Variants in GALM observed in about 807,000 individuals in gnomAD.
GALM encodes aldose 1-epimerase.
In GALM, 43 loss-of-function variants were observed where a neutral mutation model predicts 37.4. The observed-to-expected ratio is 1.15, with a 90% confidence interval of 0.90 to 1.48. GALM has a LOEUF of 1.48. GALM is among the 40% of genes most tolerant of loss of function. GALM has a pLI of 0.00. For synonymous variants in GALM, 199 were observed against 170.6 expected, an observed-to-expected ratio of 1.17 and a Z score of -1.30; for missense variants, 456 against 419.1, an observed-to-expected ratio of 1.09 and a Z score of -0.77.
At position 38,717,715 on chromosome 2, in the gene GALM, T is replaced by G. The variant is rs187856213; in HGVS notation, c.635-11841T>G. On this transcript the variant is annotated intron_variant, in intron 4 of 6. Coordinates refer to ENST00000272252, the MANE Select transcript of GALM (RefSeq NM_138801.3). The stretch of plus-strand genomic sequence containing the variant: ...CATCCCTGGCCTTAGCTCCATTTTA[T>G]AAATGGGGAAATTGAATCTTACAGA... 7.9e-4 allele frequency among the ~76,000 whole-genome samples: 119 copies of G among 150,034 alleles called. 3 individuals carry two copies. In the East Asian group the frequency reaches 0.026, roughly 32 times the overall value.
chr2:38,667,266 T>C (rs985777055), intron 1 of GALM, among the ~76,000 whole-genome samples: 3 of 152,150 alleles, frequency 2.0e-5, no homozygotes, highest in African/African-American at 7.2e-5. Context: ...CAAATTCTGC[T>C]GGAGAGGAGG....
intron 1 of GALM, among the ~76,000 whole-genome samples, chr2:38,669,726 A>G (rs1290759994): frequency 6.6e-6 from 1 of 152,036 alleles, no homozygotes; most frequent in Non-Finnish European, 1.5e-5. Context: ...TACAAAAATT[A>G]GCTGGGCATG....
intron 3 of GALM, among the ~76,000 whole-genome samples, chr2:38,686,426 C>T (rs969646319): frequency 6.6e-6 from 1 of 151,752 alleles, no homozygotes; most frequent in South Asian, 2.1e-4. Flanking sequence ...CCACCATGCC[C>T]AGCTACTTTT....
chr2:38,714,893 T>C (rs1666239700), intron 4 of GALM, among the ~76,000 whole-genome samples: 1 of 152,228 alleles, frequency 6.6e-6, no homozygotes, highest in Non-Finnish European at 1.5e-5. Flanking sequence ...TAGTATAGTT[T>C]ACCTGTGATG....
At chr2:38,705,044 G>C (rs1666010030) in intron 4 of GALM, among the ~76,000 whole-genome samples, 1 of 152,198 alleles carries the variant, frequency 6.6e-6, no homozygotes, top group South Asian at 2.1e-4. Context: ...TCAAAATTTA[G>C]CACTTGGCCA....
At chr2:38,686,225 T>TTTCC (rs1665516344) in intron 3 of GALM, among the ~76,000 whole-genome samples, 51 of 11,074 alleles carry the variant, frequency 4.6e-3, no homozygotes, top group African/African-American at 0.026. Context: ...TGGAAATTTC[T>TTTCC]TTCTTTCTTT....
At chr2:38,698,895 G>C (rs913163912) in intron 4 of GALM, among the ~76,000 whole-genome samples, 1 of 152,146 alleles carries the variant, frequency 6.6e-6, no homozygotes, top group Admixed American at 6.5e-5. Context: ...ACAGGCATGA[G>C]CCACTGTGTC....
intron 1 of GALM, among the ~76,000 whole-genome samples, chr2:38,675,544 TG>T (rs1471228211): frequency 0.018 from 1,003 of 54,538 alleles, 52 homozygotes; most frequent in African/African-American, 0.071. Flanking sequence ...TTTTTTTTTT[TG>T]TGTGTGTGTG....
Position 38,713,608 on chromosome 2 carries a change from C to A in GALM, c.635-15948C>A, listed in dbSNP as rs181059073. On this transcript the variant is annotated intron_variant, in intron 4 of 6. Coordinates refer to ENST00000272252, the MANE Select transcript of GALM (RefSeq NM_138801.3). ...TTTAGGGCATGGTCTCAAGCTCTGT[C>A]TAGGTTGAAATCTTGTCAGGTGTGC... Among the ~76,000 whole-genome samples, 299 of 152,204 alleles carry A rather than the reference C, an allele frequency of 2.0e-3. 1 individual carries two copies. The highest frequency in any genetic ancestry group is 6.6e-3 in the African/African-American group (276 of 41,522).
chr2:38,701,648 G>T (rs1053520628), intron 4 of GALM, among the ~76,000 whole-genome samples: 1 of 152,158 alleles, frequency 6.6e-6, no homozygotes, highest in African/African-American at 2.4e-5. Context: ...GAGAGGCCCA[G>T]CAAGACTTTT....
At chr2:38,724,099 A>G (rs953149625) in intron 4 of GALM, among the ~76,000 whole-genome samples, 1 of 152,130 alleles carries the variant, frequency 6.6e-6, no homozygotes, top group Non-Finnish European at 1.5e-5. Flanking sequence ...TTGTATTTTT[A>G]GTAAAGACAG....
intron 3 of GALM, 32 bp downstream of exon 3, chr2:38,681,518 G>A (rs1558580215): frequency 3.3e-5 from 51 of 1,556,420 alleles, no homozygotes; most frequent in East Asian, 6.7e-5. Context: ...TTCCTGCTTC[G>A]TGCTTTGTGG....
At chr2:38,730,409 G>A (rs888867156) in intron 5 of GALM, among the ~76,000 whole-genome samples, 8 of 152,098 alleles carry the variant, frequency 5.3e-5, no homozygotes, top group African/African-American at 1.9e-4. Flanking sequence ...TGGGATAACA[G>A]GCACGTGCCA....
rs1572550169 is a variant in GALM, at chr2:38,734,710, T to C, written c.*1145T>C. The C allele has an allele frequency of 6.9e-6, 1 of 145,886 alleles. No individual in the cohort carries two copies. Among genetic ancestry groups the C allele is most frequent in the African/African-American group, 2.5e-5 (1 of 39,560 alleles). 9.0% of individuals were successfully genotyped at this position (145,886 alleles called of 1,614,324 possible). On this transcript the variant is annotated 3_prime_UTR_variant, in exon 7 of 7. Coordinates refer to ENST00000272252, the MANE Select transcript of GALM (RefSeq NM_138801.3). ...ATTTTGAAAAAAAAAAAAAAAAGTATGTTATACTAGTGTATGCTGTACTGA... is the reference window on the plus strand; with the variant it reads ...ATTTTGAAAAAAAAAAAAAAAAGTACGTTATACTAGTGTATGCTGTACTGA...
chr2:38,679,372 T>G (rs1665339588), intron 2 of GALM, among the ~76,000 whole-genome samples: 1 of 150,472 alleles, frequency 6.6e-6, no homozygotes, highest in Non-Finnish European at 1.5e-5. Flanking sequence ...CGACACACAC[T>G]AGGAATGTAG....
intron 4 of GALM, among the ~76,000 whole-genome samples, chr2:38,718,378 C>T (rs1338009357): frequency 6.6e-6 from 1 of 150,544 alleles, no homozygotes; most frequent in Non-Finnish European, 1.5e-5. Flanking sequence ...TTTGTATTTT[C>T]AGTAGAGACG....
intron 4 of GALM, among the ~76,000 whole-genome samples, chr2:38,721,960 C>A (rs1047165272): frequency 1.3e-5 from 2 of 151,898 alleles, no homozygotes; most frequent in Non-Finnish European, 2.9e-5. Context: ...TTCTTCAGCA[C>A]CACAAGAACA....
At chr2:38,723,507 G>A (rs890883994) in intron 4 of GALM, among the ~76,000 whole-genome samples, 7 of 152,046 alleles carry the variant, frequency 4.6e-5, no homozygotes, top group Non-Finnish European at 7.4e-5. Flanking sequence ...TAAAACTCCC[G>A]GCCAGGTGCA....
At chr2:38,710,683 G>C (rs1666133600) in intron 4 of GALM, among the ~76,000 whole-genome samples, 1 of 151,858 alleles carries the variant, frequency 6.6e-6, no homozygotes, top group Admixed American at 6.6e-5. Context: ...GAGATTACAG[G>C]CATGAGCCAC....
Sources: gnomAD v4.1 joint callset for allele counts (sites outside exome capture counted in the v4.1 genomes callset) on GRCh38, gnomAD v4.1.1 for gene constraint, MANE v1.5 for transcripts, NCBI Gene and HGNC (gene_info 2026-07-23, HGNC 2026-07-21) for gene names.